Variants in LDLRAD4 observed in about 807,000 individuals in gnomAD.
The protein encoded by LDLRAD4 is low density lipoprotein receptor class A domain containing 4, also known as low-density lipoprotein receptor class A domain-containing protein 4.
In LDLRAD4, 5 loss-of-function variants were observed where a neutral mutation model predicts 17.0. The ratio of observed to expected loss-of-function variants is 0.29; its 90% CI spans 0.15 to 0.62. LDLRAD4 has a LOEUF of 0.62. Among genes scored for constraint, LDLRAD4 ranks in the 20% least tolerant of loss-of-function variants. The pLI is 0.84. For missense variants in LDLRAD4, 340 were observed against 424.7 expected (o/e 0.80, Z 1.75); for synonymous variants, 168 against 171.8 (o/e 0.98, Z 0.17).
intron 3 of LDLRAD4, among the ~76,000 whole-genome samples, chr18:13,523,317 G>C (rs8099189): frequency 2.0e-5 from 3 of 152,078 alleles, no homozygotes; most frequent in African/African-American, 4.8e-5. Context: ...GAGTCTTTAG[G>C]GGGGACATGC....
intron 1 of LDLRAD4, among the ~76,000 whole-genome samples, chr18:13,375,516 A>C (rs2084840697): frequency 6.6e-6 from 1 of 152,154 alleles, no homozygotes; most frequent in South Asian, 2.1e-4. Flanking sequence ...GCTGGAAATG[A>C]GGGCCTGCTG....
intron 3 of LDLRAD4, among the ~76,000 whole-genome samples, chr18:13,533,479 A>AT (rs1437518337): frequency 6.6e-6 from 1 of 152,174 alleles, no homozygotes; most frequent in Non-Finnish European, 1.5e-5. Context: ...TATGATCCCA[A>AT]TTTTTTTCAT....
At chr18:13,503,200 A>G (rs942785027) in intron 3 of LDLRAD4, among the ~76,000 whole-genome samples, 35 of 152,366 alleles carry the variant, frequency 2.3e-4, no homozygotes, top group African/African-American at 7.7e-4. Flanking sequence ...GCTTTCCTCC[A>G]GGGTTTTTTC....
chr18:13,418,107 C>G (rs764619657), intron 2 of LDLRAD4, among the ~76,000 whole-genome samples: 4 of 152,178 alleles, frequency 2.6e-5, no homozygotes, highest in Non-Finnish European at 4.4e-5. Context: ...CTGGAGCTCC[C>G]GCTCCCCACC....
At chr18:13,529,343 A>G (rs1345187867) in intron 3 of LDLRAD4, among the ~76,000 whole-genome samples, 6 of 152,254 alleles carry the variant, frequency 3.9e-5, no homozygotes, top group African/African-American at 1.4e-4. Flanking sequence ...TTCTCCGAAG[A>G]TGGCCTTTGA....
At chr18:13,640,909 T>G (rs762198503) in intron 4 of LDLRAD4, among the ~76,000 whole-genome samples, 2 of 152,162 alleles carry the variant, frequency 1.3e-5, no homozygotes, top group Non-Finnish European at 2.9e-5. Flanking sequence ...TTAAACAATG[T>G]GTGTCACGCA....
At chr18:13,260,485 T>C (rs2043755019) in intron 1 of LDLRAD4, among the ~76,000 whole-genome samples, 1 of 152,236 alleles carries the variant, frequency 6.6e-6, no homozygotes, top group Non-Finnish European at 1.5e-5. Flanking sequence ...TTTTGACAAA[T>C]AGCTGAGTAG....
In LDLRAD4 at chr18:13,482,789, T is replaced by C. The variant is rs8097045; in HGVS notation, c.181+44405T>C. 6.4e-3 allele frequency among the ~76,000 whole-genome samples: 977 copies of C among 152,210 alleles called. 7 individuals are homozygous for C. The highest frequency in any genetic ancestry group is 6.3e-3 in the Non-Finnish European group (426 of 68,004). On this transcript the variant is annotated intron_variant, in intron 3 of 5. Coordinates refer to ENST00000359446, the Ensembl canonical transcript of LDLRAD4. The stretch of plus-strand genomic sequence containing the variant: ...GGTGGAAGTGCACTGTGAACAAAGG[T>C]TGTCTAATTATGCAGATTAAGTCTC...
rs1019733030 is a variant in LDLRAD4 at position 13,612,076 on chromosome 18, C to T, written c.182-9041C>T. Reference sequence around the variant, plus strand: ...CGTGTCCTGCCTTGGTAAGCGCCCTCTCCGGTCCTTCCACACTGAAAGCTT... The same window carrying T: ...CGTGTCCTGCCTTGGTAAGCGCCCTTTCCGGTCCTTCCACACTGAAAGCTT... On this transcript the variant is annotated intron_variant, in intron 3 of 5. Coordinates refer to ENST00000359446, the Ensembl canonical transcript of LDLRAD4. The T allele has an allele frequency of 1.3e-5, 13 of 985,466 alleles. No individual in the cohort carries two copies. The South Asian group carries it at 5.2e-4, about 39-fold the overall frequency. The allele number at this position is 985,466 out of a possible 1,614,324, so 61.0% of individuals were successfully genotyped here.
chr18:13,645,654 C>G lies in LDLRAD4; in HGVS notation c.918C>G (p.Val306=), dbSNP rs1339908239. 9 of 1,510,370 alleles carry G rather than the reference C, an allele frequency of 6.0e-6. No individual in the cohort carries two copies. Among genetic ancestry groups the G allele is most frequent in the Non-Finnish European group, 8.0e-6 (9 of 1,130,916 alleles). The allele number at this position is 1,510,370 out of a possible 1,614,324, so 93.6% of individuals were successfully genotyped here. A position where few individuals can be genotyped will look rare whatever the true frequency, so the allele number is the denominator to read the frequency against. ...AAGATAGGAAGCCTGGGAACCTGGTCTGATTCCTTCCAACGTGCACTTCAG... is the reference window on the plus strand; with the variant it reads ...AAGATAGGAAGCCTGGGAACCTGGTGTGATTCCTTCCAACGTGCACTTCAG... The change falls in exon 6 of 6, where the codon GTC becomes GTG. Residue 306 remains valine, a synonymous_variant. Transcript: ENST00000359446. This position sits in a 1 kb window ranked among gnomAD's most constrained non-coding sequence, Gnocchi z 5.7.
chr18:13,479,354 C>T (rs1329766302), intron 3 of LDLRAD4, among the ~76,000 whole-genome samples: 1 of 152,200 alleles, frequency 6.6e-6, no homozygotes, highest in Non-Finnish European at 1.5e-5. Flanking sequence ...GGTGCAGTGG[C>T]CGACATCTGT....
At chr18:13,390,545 T>G (rs1289106433) in intron 2 of LDLRAD4, among the ~76,000 whole-genome samples, 1 of 151,988 alleles carries the variant, frequency 6.6e-6, no homozygotes, top group Non-Finnish European at 1.5e-5. Flanking sequence ...ACTCTCATCC[T>G]CACAAGATCC....
Position 13,300,863 on chromosome 18 carries a change from A to G in LDLRAD4, c.-383+22675A>G, listed in dbSNP as rs929737361. Among the ~76,000 whole-genome samples the G allele has an allele frequency of 6.6e-6, 1 of 152,178 alleles. No individual in the cohort carries two copies. Among genetic ancestry groups the G allele is most frequent in the African/African-American group, 2.4e-5 (1 of 41,454 alleles). On this transcript the variant is annotated intron_variant, in intron 1 of 5. Coordinates refer to ENST00000359446, the Ensembl canonical transcript of LDLRAD4. The surrounding 1 kb of genome is among the most constrained non-coding windows in gnomAD (Gnocchi z 4.2). ...AGAGATGGGGTGTGGGAAGGAAGGA[A>G]GGGTGGTGAACTGGGAGCCGGCAGC...
At chr18:13,358,421 G>A (rs2083468898) in intron 1 of LDLRAD4, among the ~76,000 whole-genome samples, 1 of 152,074 alleles carries the variant, frequency 6.6e-6, no homozygotes, top group African/African-American at 2.4e-5. Flanking sequence ...AGTTCAAACA[G>A]AAGATTATTG....
chr18:13,641,811 C>T, intron 4 of LDLRAD4: 4 of 985,666 alleles, frequency 4.1e-6, no homozygotes, highest in Non-Finnish European at 4.8e-6. Context: ...GGGCACTTGG[C>T]CGGGTTTGCT....
intron 3 of LDLRAD4, among the ~76,000 whole-genome samples, chr18:13,451,044 C>A (rs946343177): frequency 1.3e-5 from 2 of 152,104 alleles, no homozygotes; most frequent in African/African-American, 4.8e-5. Context: ...GTTGTATAGC[C>A]GGAAGGTCCT....
At chr18:13,430,441 G>T (rs1394982845) in intron 2 of LDLRAD4, among the ~76,000 whole-genome samples, 2 of 152,188 alleles carry the variant, frequency 1.3e-5, no homozygotes, top group Non-Finnish European at 2.9e-5. Context: ...AAACCCTGCA[G>T]ATTGAGAGCT....
chr18:13,386,428 G>A (rs1281598084), intron 1 of LDLRAD4, among the ~76,000 whole-genome samples: 1 of 151,728 alleles, frequency 6.6e-6, no homozygotes, highest in African/African-American at 2.4e-5. Flanking sequence ...GATTGCAATG[G>A]CGCGATCTTG....
chr18:13,322,977 A>G (rs1460764166), intron 1 of LDLRAD4, among the ~76,000 whole-genome samples: 1 of 152,060 alleles, frequency 6.6e-6, no homozygotes, highest in Non-Finnish European at 1.5e-5. Flanking sequence ...GGATAATGTA[A>G]ATTTGTGTCA....
Sources: allele counts gnomAD v4.1 joint callset (sites outside exome capture counted in the v4.1 genomes callset), GRCh38; gene constraint gnomAD v4.1.1; non-coding constraint Gnocchi (gnomAD v3.1); transcripts MANE v1.5; gene names NCBI Gene and HGNC (gene_info 2026-07-23, HGNC 2026-07-21).